CA10: variants seen among roughly 807,000 people sequenced by gnomAD.
CA10 encodes the protein carbonic anhydrase 10 (inactive).
In CA10, 14 loss-of-function variants were observed where a neutral mutation model predicts 44.2. The observed-to-expected ratio is 0.32, with a 90% CI of 0.21 to 0.50. The LOEUF (loss-of-function observed/expected upper bound fraction) is 0.50. Among genes scored for constraint, CA10 ranks in the 20% least tolerant of loss-of-function variants. The pLI is 0.99. For missense variants in CA10, 350 were observed against 409.7 expected (o/e 0.85, Z 1.26); for synonymous variants, 159 against 141.6 (o/e 1.12, Z -0.87).
intron 2 of CA10, among the ~76,000 whole-genome samples, chr17:52,010,388 C>CTGTG (rs745512640): frequency 1.3e-5 from 2 of 151,590 alleles, no homozygotes; most frequent in African/African-American, 2.4e-5. Context: ...AGAAAATGTG[C>CTGTG]TGTGTGTGTG....
At chr17:51,732,763 G>C (rs1011609438) in intron 4 of CA10, among the ~76,000 whole-genome samples, 2 of 152,220 alleles carry the variant, frequency 1.3e-5, no homozygotes, top group African/African-American at 4.8e-5. Context: ...CAGACAGCTA[G>C]TCAGTACAAG....
intron 4 of CA10, among the ~76,000 whole-genome samples, chr17:51,690,497 G>T (rs375830985): frequency 9.2e-5 from 14 of 152,030 alleles, no homozygotes; most frequent in African/African-American, 3.1e-4. Flanking sequence ...TTGAATTATC[G>T]CTCCCCTATT....
At position 51,798,282 on chromosome 17, in the gene CA10, C is replaced by T. The variant is rs531355121; in HGVS notation, c.280-50464G>A. Among the ~76,000 whole-genome samples the T allele has an allele frequency of 2.6e-5, 4 of 152,280 alleles. No homozygotes were observed. In the South Asian group the frequency reaches 6.2e-4, roughly 24 times the overall value. ...CGTTATTTAGGTGGGCACCTCAAGG[C>T]GCTAGGAAGACCCTAAAGCTTTAGA... On this transcript the variant is annotated intron_variant, in intron 3 of 8. Transcript: ENST00000451037.
intron 3 of CA10, among the ~76,000 whole-genome samples, chr17:51,875,020 C>T (rs1980004738): frequency 7.1e-6 from 1 of 141,228 alleles, no homozygotes; most frequent in Admixed American, 7.0e-5. Context: ...TCTTTGTTGC[C>T]CAGGCTGGAG....
chr17:51,976,021 T>C (rs1300724059), intron 2 of CA10, among the ~76,000 whole-genome samples: 3 of 152,270 alleles, frequency 2.0e-5, no homozygotes, highest in Non-Finnish European at 4.4e-5. Context: ...GTTATATAGA[T>C]ACCTTACAAA....
At chr17:51,801,345 G>A (rs1481269701) in intron 3 of CA10, among the ~76,000 whole-genome samples, 1 of 152,156 alleles carries the variant, frequency 6.6e-6, no homozygotes, top group East Asian at 1.9e-4. Flanking sequence ...CGCCCTTGGG[G>A]ACTGGGGAGA....
At chr17:52,052,299 TA>T (rs149731635) in intron 2 of CA10, among the ~76,000 whole-genome samples, 3,690 of 144,996 alleles carry the variant, frequency 0.025, 105 homozygotes, top group Admixed American at 0.091. Flanking sequence ...CTTTTTTTTT[TA>T]AAAAAAAAAA....
At chr17:51,689,089 T>C (rs1248528823) in intron 4 of CA10, among the ~76,000 whole-genome samples, 1 of 152,178 alleles carries the variant, frequency 6.6e-6, no homozygotes. Flanking sequence ...CTCTCAACCA[T>C]ATCATCCCTC....
intron 3 of CA10, among the ~76,000 whole-genome samples, chr17:51,856,357 A>C (rs1469526343): frequency 1.7e-5 from 2 of 119,130 alleles, no homozygotes; most frequent in Non-Finnish European, 3.5e-5. Flanking sequence ...GAGACATTTC[A>C]GTAAAACAAC....
intron 7 of CA10, among the ~76,000 whole-genome samples, 198 bp downstream of exon 7, chr17:51,635,657 A>G (rs1250857492): frequency 6.6e-6 from 1 of 152,228 alleles, no homozygotes; most frequent in East Asian, 1.9e-4. Flanking sequence ...GAAGGAAGCA[A>G]CGCTGCTGAC....
At chr17:51,693,797 G>A (rs1915303701) in intron 4 of CA10, among the ~76,000 whole-genome samples, 1 of 152,164 alleles carries the variant, frequency 6.6e-6, no homozygotes, top group Non-Finnish European at 1.5e-5. Flanking sequence ...ATACTAATGT[G>A]ATGAATAGAG....
chr17:51,978,227 G>A (rs1255985422), intron 2 of CA10, among the ~76,000 whole-genome samples: 3 of 151,916 alleles, frequency 2.0e-5, no homozygotes, highest in African/African-American at 7.2e-5. Flanking sequence ...ACAATCTAAA[G>A]AACAAAGTTG....
At chr17:51,897,972 C>T (rs1365909187) in intron 3 of CA10, among the ~76,000 whole-genome samples, 1 of 152,070 alleles carries the variant, frequency 6.6e-6, no homozygotes, top group Non-Finnish European at 1.5e-5. Flanking sequence ...TGGGCAAAGT[C>T]TATGGGGTTT....
At chr17:51,846,135 A>T (rs1044283962) in intron 3 of CA10, among the ~76,000 whole-genome samples, 4 of 152,240 alleles carry the variant, frequency 2.6e-5, no homozygotes, top group African/African-American at 7.2e-5. Context: ...CAGGTCTGCA[A>T]AGGAGGCATT....
At chr17:51,769,805 G>A (rs913918953) in intron 3 of CA10, among the ~76,000 whole-genome samples, 10 of 152,202 alleles carry the variant, frequency 6.6e-5, no homozygotes, top group Non-Finnish European at 1.3e-4. Flanking sequence ...CAGGTAAAGA[G>A]GGGATATAAG....
intron 2 of CA10, among the ~76,000 whole-genome samples, chr17:51,949,337 T>C (rs1363210264): frequency 6.6e-6 from 1 of 152,166 alleles, no homozygotes; most frequent in Non-Finnish European, 1.5e-5. Flanking sequence ...AGTCTACAGC[T>C]GGGAAGAAGA....
At chr17:52,102,180 C>T (rs1429248623) in intron 1 of CA10, among the ~76,000 whole-genome samples, 2 of 152,196 alleles carry the variant, frequency 1.3e-5, no homozygotes. Context: ...CAGCTTTTAA[C>T]TTGCCAACCT....
intron 1 of CA10, among the ~76,000 whole-genome samples, chr17:52,107,279 A>G (rs1437300856): frequency 6.6e-6 from 1 of 152,166 alleles, no homozygotes; most frequent in Admixed American, 6.5e-5. Flanking sequence ...CTATAAAGTG[A>G]ATAAGGAGGG....
chr17:51,902,107 C>G (rs1047465808), intron 3 of CA10, among the ~76,000 whole-genome samples: 3 of 152,010 alleles, frequency 2.0e-5, no homozygotes, highest in African/African-American at 7.2e-5. Flanking sequence ...GGGGAAAATA[C>G]AAGAAAATGT....
Sources: gnomAD v4.1 joint callset for allele counts (sites outside exome capture counted in the v4.1 genomes callset) on GRCh38, gnomAD v4.1.1 for gene constraint, MANE v1.5 for transcripts, NCBI Gene and HGNC (gene_info 2026-07-23, HGNC 2026-07-21) for gene names.